Variants in PCNX1 observed in about 807,000 individuals in gnomAD.
The protein encoded by PCNX1 is pecanex 1, also known as pecanex-like protein 1.
In PCNX1, 78 loss-of-function variants were observed where a neutral mutation model predicts 242.2. The ratio of observed to expected loss-of-function variants is 0.32; its 90% CI spans 0.27 to 0.39. The LOEUF is 0.39. Among genes scored for constraint, PCNX1 ranks in the 10% least tolerant of loss-of-function variants. The probability of loss-of-function intolerance (pLI) is 1.00; values close to 1 mark genes in which losing one functional copy is unlikely to be tolerated. For missense variants in PCNX1, 2,581 were observed against 2,856.5 expected (o/e 0.90, Z 2.20); for synonymous variants, 1,024 against 1,032.9 (o/e 0.99, Z 0.17).
intron 1 of PCNX1, among the ~76,000 whole-genome samples, chr14:70,914,304 C>A (rs999119946): frequency 1.7e-4 from 25 of 149,958 alleles, no homozygotes; most frequent in African/African-American, 6.2e-4. Flanking sequence ...ATGTGACAAA[C>A]CTGCACATGT....
chr14:70,965,607 G>A (rs1214633926), intron 3 of PCNX1, among the ~76,000 whole-genome samples: 1 of 143,076 alleles, frequency 7.0e-6, no homozygotes, highest in Non-Finnish European at 1.5e-5. Context: ...AGGTTGCAGT[G>A]AGCTGAGATG....
chr14:70,995,614 G>T, intron 7 of PCNX1, 127 bp from the exon 8 acceptor site: 3 of 700,060 alleles, frequency 4.3e-6, no homozygotes, highest in Non-Finnish European at 4.7e-6. Context: ...AAAGTTTGTT[G>T]GCGCTTTCTT....
intron 28 of PCNX1, among the ~76,000 whole-genome samples, chr14:71,081,975 C>T (rs573381498): frequency 1.3e-5 from 2 of 152,232 alleles, no homozygotes; most frequent in Admixed American, 6.5e-5. Context: ...ATCTTTCCCA[C>T]TTTTTTTCTG....
chr14:71,020,537 A>T (rs2060072799), intron 12 of PCNX1, among the ~76,000 whole-genome samples: 1 of 152,150 alleles, frequency 6.6e-6, no homozygotes, highest in Non-Finnish European at 1.5e-5. Context: ...ACCATTAATG[A>T]TGAGCTTTTT....
chr14:71,109,631 T>G (rs757847082), intron 35 of PCNX1, 39 bp downstream of exon 35: 2 of 1,609,144 alleles, frequency 1.2e-6, no homozygotes, highest in East Asian at 4.5e-5. Context: ...GGGCTCTGCC[T>G]TTTTTGAAGT....
intron 2 of PCNX1, among the ~76,000 whole-genome samples, chr14:70,959,952 G>A (rs1175181849): frequency 7.6e-5 from 10 of 132,328 alleles, no homozygotes; most frequent in East Asian, 4.2e-4. Context: ...TCTCATTGTG[G>A]TTTTGATTTG....
intron 26 of PCNX1, among the ~76,000 whole-genome samples, chr14:71,059,151 C>T (rs528517881): frequency 1.3e-5 from 2 of 152,146 alleles, no homozygotes; most frequent in East Asian, 3.9e-4. Context: ...TTCTTCTTAC[C>T]ATCTGCTCAC....
At chr14:70,923,910 A>G (rs2056477746) in intron 1 of PCNX1, among the ~76,000 whole-genome samples, 1 of 152,170 alleles carries the variant, frequency 6.6e-6, no homozygotes, top group East Asian at 1.9e-4. Flanking sequence ...TGCTTTGTCA[A>G]AGGGCTAATA....
At chr14:70,958,969 C>T (rs1176585015) in intron 2 of PCNX1, among the ~76,000 whole-genome samples, 1 of 113,492 alleles carries the variant, frequency 8.8e-6, no homozygotes, top group African/African-American at 3.3e-5. Flanking sequence ...CAAGATATAT[C>T]CTCTGTAATG....
At chr14:70,955,984 A>T (rs891261883) in intron 2 of PCNX1, among the ~76,000 whole-genome samples, 1 of 151,850 alleles carries the variant, frequency 6.6e-6, no homozygotes, top group African/African-American at 2.4e-5. Context: ...TTATTTCTCA[A>T]CTGGGGGTAA....
At chr14:71,021,051 G>C (rs999324236) in intron 12 of PCNX1, among the ~76,000 whole-genome samples, 2 of 152,182 alleles carry the variant, frequency 1.3e-5, no homozygotes, top group Non-Finnish European at 2.9e-5. Context: ...TGTCAGGTTT[G>C]TCAAAGATCA....
chr14:71,025,432 C>T (rs139040746), intron 13 of PCNX1, among the ~76,000 whole-genome samples: 7 of 152,004 alleles, frequency 4.6e-5, no homozygotes, highest in Admixed American at 1.3e-4. Context: ...GGAGCCCCCC[C>T]ACCTTTTTTG....
intron 2 of PCNX1, among the ~76,000 whole-genome samples, chr14:70,952,655 T>C (rs180757045): frequency 1.8e-4 from 27 of 152,332 alleles, no homozygotes; most frequent in Admixed American, 1.6e-3. Context: ...TTTATTCATA[T>C]TGACCTACAT....
chr14:70,947,013 A>G lies in PCNX1; in HGVS notation c.252A>G (p.Ala84=). 1 of 1,613,896 alleles carries G rather than the reference A, an allele frequency of 6.2e-7. No individual in the cohort carries two copies. Among genetic ancestry groups the G allele is most frequent in the Non-Finnish European group, 8.5e-7 (1 of 1,179,852 alleles). The part of the protein sequence containing the change: ...LKMVNYRLHR[A]LDAGEVVDRT... ...TGGTCAACTATCGACTACACAGAGC[A>G]CTTGATGCTGGAGAAGTTGTAGATA... Residue 84 remains alanine (A), a synonymous_variant, in exon 2 of 36, where the codon GCA becomes GCG. Transcript: ENST00000304743.
chr14:70,938,033 C>T (rs2057081060), intron 1 of PCNX1, among the ~76,000 whole-genome samples: 2 of 152,154 alleles, frequency 1.3e-5, no homozygotes, highest in Non-Finnish European at 2.9e-5. Flanking sequence ...ATTTTGGGCT[C>T]AGACGATAGG....
intron 1 of PCNX1, among the ~76,000 whole-genome samples, chr14:70,922,337 A>C (rs1260973687): frequency 6.6e-6 from 1 of 152,148 alleles, no homozygotes; most frequent in Non-Finnish European, 1.5e-5. Flanking sequence ...TTAGACAAAA[A>C]CATGAATTTT....
chr14:71,026,307 T>G lies in PCNX1; in HGVS notation c.3355+19T>G, dbSNP rs986232809. The G allele has an allele frequency of 7.0e-7, 1 of 1,428,928 alleles. No individual in the cohort carries two copies. 88.5% of individuals were successfully genotyped at this position (1,428,928 alleles called of 1,614,324 possible). A position where few individuals can be genotyped will look rare whatever the true frequency, so the allele number is the denominator to read the frequency against. On this transcript the variant is annotated intron_variant, in intron 14 of 35. Transcript: ENST00000304743. Reference sequence around the variant, plus strand: ...GTTATAGGTGAGTCATCTTAAAGTATCTCTAATCTTAAAATTAATTTATTT... The same window carrying G: ...GTTATAGGTGAGTCATCTTAAAGTAGCTCTAATCTTAAAATTAATTTATTT...
rs994409840 is a variant in PCNX1, at chr14:71,103,566, C to T, written c.5992C>T (p.Leu1998=). ...PIGYPIFVSP[L]TTSYSDSHEQ... The stretch of plus-strand genomic sequence containing the variant: ...TGGCTACCCAATCTTTGTCTCACCC[C>T]TGACAACTTCTTACTCTGACAGCCA... Residue 1998 remains leucine, a synonymous_variant, in exon 32 of 36, where the codon CTG becomes TTG. Transcript: ENST00000304743. 18 of 1,614,012 alleles carry T rather than the reference C, an allele frequency of 1.1e-5. No homozygotes were observed. The Middle Eastern group carries it at 4.9e-4, about 44-fold the overall frequency.
chr14:71,073,852 A>G (rs912439478), intron 27 of PCNX1, 54 bp downstream of exon 27: 51 of 1,362,918 alleles, frequency 3.7e-5, no homozygotes, highest in Non-Finnish European at 5.0e-5. Context: ...CTTCTTGGGA[A>G]TGACATATAT....
Sources: gnomAD v4.1 joint callset for allele counts (sites outside exome capture counted in the v4.1 genomes callset) on GRCh38, gnomAD v4.1.1 for gene constraint, MANE v1.5 for transcripts, NCBI Gene and HGNC (gene_info 2026-07-23, HGNC 2026-07-21) for gene names.